Variants in PLPPR3 observed in about 807,000 individuals in gnomAD.
PLPPR3 encodes the protein phospholipid phosphatase related 3.
Under a neutral mutation model 27.3 loss-of-function variants are expected in PLPPR3, and 14 were observed. The ratio of observed to expected loss-of-function variants is 0.51; its 90% CI spans 0.34 to 0.80. PLPPR3 has a LOEUF of 0.80. Among genes scored for constraint, PLPPR3 ranks in the 30% least tolerant of loss-of-function variants. The pLI is 0.01. For missense variants in PLPPR3, 1,287 were observed against 1,056.9 expected (o/e 1.22, Z -3.02); for synonymous variants, 671 against 508.0 (o/e 1.32, Z -4.32).
In PLPPR3 at chr19:812,636, C is replaced by A; in HGVS notation, c.2091G>T (p.Glu697Asp). 9.1e-7 allele frequency: 1 copy of A among 1,101,888 alleles called. No homozygotes were observed. Among genetic ancestry groups the A allele is most frequent in the Non-Finnish European group, 1.1e-6 (1 of 896,662 alleles). 68.3% of individuals were successfully genotyped at this position (1,101,888 alleles called of 1,614,324 possible). A position where few individuals can be genotyped will look rare whatever the true frequency, so the allele number is the denominator to read the frequency against. ...CCTCGGCCTCCGCCTCCGCCTCGCG[C>A]TCCGCCAGCCCCAGGCCGCCCGCGT... ...RRHAGGLGLAEREAEAEAEGY... is the reference protein window; with the variant it reads ...RRHAGGLGLADREAEAEAEGY... Residue 697 changes from glutamate (E) to aspartate (D), a missense_variant, in exon 8 of 8, where the codon GAG becomes GAT. Physicochemically the swap from Glu to Asp is conservative, Grantham distance 45. Transcript: ENST00000520876.
chr19:820,268 C>A (rs2035125085), intron 2 of PLPPR3, among the ~76,000 whole-genome samples: 1 of 152,076 alleles, frequency 6.6e-6, no homozygotes, highest in African/African-American at 2.4e-5. Context: ...ACTACAGCCT[C>A]AACCTCCTGG....
At chr19:817,857 C>T (rs2145077551) in intron 2 of PLPPR3, among the ~76,000 whole-genome samples, 1 of 152,286 alleles carries the variant, frequency 6.6e-6, no homozygotes, top group South Asian at 2.1e-4. Flanking sequence ...CCACTTTAAC[C>T]TGTGGGCGGC....
In PLPPR3 at chr19:815,567, C is replaced by G. The variant is rs1484334119; in HGVS notation, c.261+99G>C. 18 of 1,314,888 alleles carry G rather than the reference C, an allele frequency of 1.4e-5. No individual in the cohort carries two copies. The East Asian group carries it at 4.5e-4, about 33-fold the overall frequency. The allele number at this position is 1,314,888 out of a possible 1,614,324, so 81.5% of individuals were successfully genotyped here. A position where few individuals can be genotyped will look rare whatever the true frequency, so the allele number is the denominator to read the frequency against. ...TGGCACAGGCCCCGGTGTGGATGTTCACCGACAGGCCCCAGTGTGGATGTT... is the reference window on the plus strand; with the variant it reads ...TGGCACAGGCCCCGGTGTGGATGTTGACCGACAGGCCCCAGTGTGGATGTT... On this transcript the variant is annotated intron_variant, in intron 3 of 7. Transcript: ENST00000520876.
At position 813,871 on chromosome 19, in the gene PLPPR3, G is replaced by C. The variant is rs2034999487; in HGVS notation, c.856C>G (p.Gln286Glu). ...GCGGGCTTCTCTGCAGGTGGGGCCT[G>C]GAAGTTGCCCACCGCGTGGCAGGCC... Reference protein sequence around the residue: ...YLACHAVGNFQAPPAEKPAAP... With the variant: ...YLACHAVGNFEAPPAEKPAAP... Residue 286 changes from glutamine (Q) to glutamate (E), a missense_variant, in exon 8 of 8, where the codon CAG becomes GAG. Transcript: ENST00000520876. The surrounding 1 kb of genome is among the most constrained non-coding windows in gnomAD (Gnocchi z 4.1). 6.9e-7 allele frequency: 1 copy of C among 1,444,010 alleles called. No homozygotes were observed. 89.4% of individuals were successfully genotyped at this position (1,444,010 alleles called of 1,614,324 possible).
At chr19:822,158 C>T (rs2035158921), upstream of PLPPR3, among the ~76,000 whole-genome samples, 1 of 151,776 alleles carries the variant, frequency 6.6e-6, no homozygotes, top group South Asian at 2.1e-4. Flanking sequence ...TCTCGGGGGT[C>T]TCAGGTCTGC....
chr19:815,361 G>GTGGATGTTCA, intron 3 of PLPPR3, 34 bp from the exon 4 acceptor site: 1 of 1,513,288 alleles, frequency 6.6e-7, no homozygotes, highest in Non-Finnish European at 8.8e-7. Flanking sequence ...AGGCCTCGGT[G>GTGGATGTTCA]CCCACAGGGA....
Position 813,946 on chromosome 19 carries a change from C to T in PLPPR3, c.832-51G>A, listed in dbSNP as rs1443942739. On this transcript the variant is annotated intron_variant, in intron 7 of 7. Coordinates refer to ENST00000520876, the MANE Select transcript of PLPPR3 (RefSeq NM_001270366.2). The surrounding 1 kb of genome is among the most constrained non-coding windows in gnomAD (Gnocchi z 4.1). ...GAGGCCTGGGGCTCAGAGGGCTCCT[C>T]CCCTGTGATCGTTGGACTTGCCGCG... 3.0e-5 allele frequency: 43 copies of T among 1,409,946 alleles called. 1 individual carries two copies. In the East Asian group the frequency reaches 7.9e-4, roughly 26 times the overall value. 87.3% of individuals were successfully genotyped at this position (1,409,946 alleles called of 1,614,324 possible). A position where few individuals can be genotyped will look rare whatever the true frequency, so the allele number is the denominator to read the frequency against.
intron 2 of PLPPR3, among the ~76,000 whole-genome samples, chr19:819,713 G>A (rs966290646): frequency 6.6e-6 from 1 of 152,220 alleles, no homozygotes; most frequent in Non-Finnish European, 1.5e-5. Context: ...ACGGATTACA[G>A]GCCAGCCGCT....
chr19:820,339 CG>C (rs1381279355), intron 2 of PLPPR3, among the ~76,000 whole-genome samples: 2 of 151,766 alleles, frequency 1.3e-5, no homozygotes, highest in African/African-American at 4.8e-5. Context: ...ACGCAGCACA[CG>C]CCCAACTAAT....
Position 813,326 on chromosome 19 carries a change from C to A in PLPPR3, c.1401G>T (p.Ser467=). Residue 467 remains serine (S), a synonymous_variant, in exon 8 of 8, where the codon TCG becomes TCT. Transcript: ENST00000520876. The surrounding 1 kb of genome is among the most constrained non-coding windows in gnomAD (Gnocchi z 4.1). ...GCCGCGCCTGCACGGTGGGGTAGAG[C>A]GAGGGCGGGGCCGGGCCCTCGTCCT... ...EEEDEGPAPP[S]LYPTVQARPG... is the part of the protein sequence containing the mutation. 2 of 1,469,350 alleles carry A rather than the reference C, an allele frequency of 1.4e-6. No homozygotes were observed. The highest frequency in any genetic ancestry group is 1.8e-6 in the Non-Finnish European group (2 of 1,121,000). The allele number at this position is 1,469,350 out of a possible 1,614,324, so 91.0% of individuals were successfully genotyped here. A position where few individuals can be genotyped will look rare whatever the true frequency, so the allele number is the denominator to read the frequency against.
Position 813,835 on chromosome 19 carries a change from G to A in PLPPR3, c.892C>T (p.Pro298Ser). ...PPAEKPAAPA[P>S]AKDALRALTQ... is the part of the protein sequence containing the mutation. ...AGGGCCCGCAGCGCGTCCTTGGCGG[G>A]GGCCGGGGCCGCGGGCTTCTCTGCA... is the stretch of plus-strand genomic sequence containing the variant. The change falls in exon 8 of 8, where the codon CCC (proline) becomes TCC (serine). Residue 298 changes from proline to serine, a missense_variant. Pro to Ser is a moderately conservative substitution (Grantham distance 74). Coordinates refer to ENST00000520876, the MANE Select transcript of PLPPR3 (RefSeq NM_001270366.2). The surrounding 1 kb of genome is among the most constrained non-coding windows in gnomAD (Gnocchi z 4.1). 6.8e-7 allele frequency: 1 copy of A among 1,479,420 alleles called. No individual in the cohort carries two copies. Among genetic ancestry groups the A allele is most frequent in the South Asian group, 1.3e-5 (1 of 75,240 alleles). 91.6% of individuals were successfully genotyped at this position (1,479,420 alleles called of 1,614,324 possible).
upstream of PLPPR3, among the ~76,000 whole-genome samples, chr19:822,487 G>T (rs2035163623): frequency 6.6e-6 from 1 of 152,098 alleles, no homozygotes; most frequent in Admixed American, 6.5e-5. Flanking sequence ...TGGGGGAGGG[G>T]GACTGGGGGG....
In PLPPR3 at chr19:812,869, C is replaced by G. The variant is rs2034958145; in HGVS notation, c.1858G>C (p.Glu620Gln). The stretch of plus-strand genomic sequence containing the variant: ...AAGCCGCGCGCCAGGTCCCCCAGCT[C>G]GTAGCCGCCGTCGGCCTCCGCCTTG... ...GAKAEADGGYELGDLARGFRG... is the reference protein window; with the variant it reads ...GAKAEADGGYQLGDLARGFRG... The change falls in exon 8 of 8, where the codon GAG becomes CAG. Residue 620 changes from glutamate (E) to glutamine (Q), a missense_variant. Glu to Gln is a conservative substitution (Grantham distance 29, BLOSUM62 2). Coordinates refer to ENST00000520876, the MANE Select transcript of PLPPR3 (RefSeq NM_001270366.2). 1.7e-6 allele frequency: 2 copies of G among 1,183,806 alleles called. No individual in the cohort carries two copies. The highest frequency in any genetic ancestry group is 2.4e-5 in the South Asian group (1 of 41,416). 73.3% of individuals were successfully genotyped at this position (1,183,806 alleles called of 1,614,324 possible). A position where few individuals can be genotyped will look rare whatever the true frequency, so the allele number is the denominator to read the frequency against.
upstream of PLPPR3, among the ~76,000 whole-genome samples, chr19:822,533 C>CGA (rs1169182324): frequency 6.6e-6 from 1 of 152,168 alleles, no homozygotes; most frequent in Non-Finnish European, 1.5e-5. Flanking sequence ...CCCGCACTCA[C>CGA]CCTCGCCCCC....
chr19:812,877 C>A lies in PLPPR3; in HGVS notation c.1850G>T (p.Gly617Val). 1 of 1,206,170 alleles carries A rather than the reference C, an allele frequency of 8.3e-7. No homozygotes were observed. The highest frequency in any genetic ancestry group is 1.0e-6 in the Non-Finnish European group (1 of 966,456). The allele number at this position is 1,206,170 out of a possible 1,614,324, so 74.7% of individuals were successfully genotyped here. A position where few individuals can be genotyped will look rare whatever the true frequency, so the allele number is the denominator to read the frequency against. The change falls in exon 8 of 8, where the codon GGC becomes GTC. Residue 617 changes from glycine (G) to valine (V), a missense_variant. Gly to Val is a moderately radical substitution (Grantham distance 109). Transcript: ENST00000520876. ...CGCCAGGTCCCCCAGCTCGTAGCCG[C>A]CGTCGGCCTCCGCCTTGGCCCCGCC... ...AGGGAKAEAD[G>V]GYELGDLARG...
Position 813,341 on chromosome 19 carries a change from G to A in PLPPR3, c.1386C>T (p.Gly462=), listed in dbSNP as rs1462832596. 2.1e-5 allele frequency: 31 copies of A among 1,472,812 alleles called. No individual in the cohort carries two copies. Among genetic ancestry groups the A allele is most frequent in the Non-Finnish European group, 2.7e-5 (30 of 1,121,214 alleles). The allele number at this position is 1,472,812 out of a possible 1,614,324, so 91.2% of individuals were successfully genotyped here. The change falls in exon 8 of 8, where the codon GGC becomes GGT. Residue 462 remains glycine (G), a synonymous_variant. Transcript: ENST00000520876. The surrounding 1 kb of genome is among the most constrained non-coding windows in gnomAD (Gnocchi z 4.1). The part of the protein sequence containing the change: ...EEEEEEEEDE[G]PAPPSLYPTV... ...TGGGGTAGAGCGAGGGCGGGGCCGGGCCCTCGTCCTCCTCCTCTTCCTCCT... is the reference window on the plus strand; with the variant it reads ...TGGGGTAGAGCGAGGGCGGGGCCGGACCCTCGTCCTCCTCCTCTTCCTCCT...
chr19:821,562 T>G lies in PLPPR3; in HGVS notation c.-3A>C. The stretch of plus-strand genomic sequence containing the variant: ...TTCTTCTCCTTGGTGGAGATCATGG[T>G]GCCGCGGGCGCCGCAGGCCGTGGCT... On this transcript the variant is annotated 5_prime_UTR_variant, in exon 2 of 8. Transcript: ENST00000520876. 1 of 1,439,514 alleles carries G rather than the reference T, an allele frequency of 6.9e-7. No individual in the cohort carries two copies. The highest frequency in any genetic ancestry group is 1.3e-5 in the South Asian group (1 of 77,114). The allele number at this position is 1,439,514 out of a possible 1,614,324, so 89.2% of individuals were successfully genotyped here.
chr19:817,975 G>A (rs1395342310), intron 2 of PLPPR3, among the ~76,000 whole-genome samples: 4 of 152,058 alleles, frequency 2.6e-5, no homozygotes, highest in African/African-American at 9.7e-5. Flanking sequence ...GTGGCCCCTG[G>A]CAACTATCTA....
chr19:813,887 G>A lies in PLPPR3; in HGVS notation c.840C>T (p.His280=), dbSNP rs1245908596. 4.9e-6 allele frequency: 7 copies of A among 1,433,990 alleles called. No homozygotes were observed. Among genetic ancestry groups the A allele is most frequent in the Non-Finnish European group, 5.5e-6 (6 of 1,100,656 alleles). The allele number at this position is 1,433,990 out of a possible 1,614,324, so 88.8% of individuals were successfully genotyped here. ...GAGIAAYLAC[H]AVGNFQAPPA... ...GTGGGGCCTGGAAGTTGCCCACCGC[G>A]TGGCAGGCCTGTCGGGGAGAGGGGT... The change falls in exon 8 of 8, where the codon CAC becomes CAT. Residue 280 remains histidine (H), a synonymous_variant. Transcript: ENST00000520876. This position sits in a 1 kb window ranked among gnomAD's most constrained non-coding sequence, Gnocchi z 4.1.
Sources: gnomAD v4.1 joint callset for allele counts (sites outside exome capture counted in the v4.1 genomes callset) on GRCh38, gnomAD v4.1.1 for gene constraint, Gnocchi (gnomAD v3.1) non-coding constraint, MANE v1.5 for transcripts, NCBI Gene and HGNC (gene_info 2026-07-23, HGNC 2026-07-21) for gene names.